AP3S1: variants seen among roughly 807,000 people sequenced by gnomAD.
AP3S1 encodes adaptor related protein complex 3 subunit sigma 1.
In AP3S1, 12 loss-of-function variants were observed where a neutral mutation model predicts 21.3. That is an observed-to-expected ratio of 0.56 (90% CI 0.36 to 0.91). AP3S1 has a LOEUF of 0.91. Among genes scored for constraint, AP3S1 ranks in the 40% least tolerant of loss-of-function variants. AP3S1 has a pLI of 0.01. For missense variants in AP3S1, 116 were observed against 225.0 expected (o/e 0.52, Z 3.10); for synonymous variants, 48 against 78.4 (o/e 0.61, Z 2.05).
At chr5:115,887,890 A>G (rs1203000068) in intron 3 of AP3S1, among the ~76,000 whole-genome samples, 1 of 152,178 alleles carries the variant, frequency 6.6e-6, no homozygotes, top group Non-Finnish European at 1.5e-5. Context: ...GTAAAGATAA[A>G]GAAAACACAA....
rs151244874 is a variant in AP3S1 at position 115,869,892 on chromosome 5, A to G, written c.162-125A>G. 3,502 of 559,738 alleles carry G rather than the reference A, an allele frequency of 6.3e-3. 21 individuals are homozygous for G. Among genetic ancestry groups the G allele is most frequent in the Middle Eastern group, 0.011 (22 of 2,066 alleles). 34.7% of individuals were successfully genotyped at this position (559,738 alleles called of 1,614,324 possible). A position where few individuals can be genotyped will look rare whatever the true frequency, so the allele number is the denominator to read the frequency against. On this transcript the variant is annotated intron_variant, in intron 2 of 5. Transcript: ENST00000316788. ...AGTCTCTGAATAAGTTCACTTAAAT[A>G]CTTTGCCATTGAATGTCACCTTTCA...
At chr5:115,842,351 G>A in intron 1 of AP3S1, 1 of 473,444 alleles carries the variant, frequency 2.1e-6, no homozygotes, top group Non-Finnish European at 3.6e-6. Context: ...TGGGCTGCAT[G>A]CTTTCCTGGC....
intron 3 of AP3S1, among the ~76,000 whole-genome samples, chr5:115,887,479 A>G (rs563158402): frequency 6.6e-6 from 1 of 152,138 alleles, no homozygotes; most frequent in East Asian, 1.9e-4. Flanking sequence ...AGAAACTCAA[A>G]AAGGGGTCTG....
chr5:115,861,860 C>CTTTT lies in AP3S1; in HGVS notation c.70-4809_70-4806dup, dbSNP rs1485174401. Among the ~76,000 whole-genome samples, 345 of 119,978 alleles carry CTTTT rather than the reference C, an allele frequency of 2.9e-3. 5 individuals are homozygous for CTTTT. Among genetic ancestry groups the CTTTT allele is most frequent in the Middle Eastern group, 5.1e-3 (1 of 196 alleles). The allele number at this position is 119,978 out of a possible 152,430, so 78.7% of individuals were successfully genotyped here. On this transcript the variant is annotated intron_variant, in intron 1 of 5. Coordinates refer to ENST00000316788, the MANE Select transcript of AP3S1 (RefSeq NM_001284.4). ...CTGAACCAGGCCAAAATTTTCTTTT[C>CTTTT]TTTTCTTTTTTTTTTTTTTTTTTTG...
At chr5:115,889,749 A>G (rs1035545154) in intron 3 of AP3S1, among the ~76,000 whole-genome samples, 1 of 152,070 alleles carries the variant, frequency 6.6e-6, no homozygotes, top group Non-Finnish European at 1.5e-5. Flanking sequence ...TCTGAGGTGG[A>G]AGGATTGCTT....
intron 1 of AP3S1, among the ~76,000 whole-genome samples, chr5:115,855,177 C>T (rs565137622): frequency 1.3e-5 from 2 of 152,136 alleles, no homozygotes; most frequent in South Asian, 4.2e-4. Context: ...GCTGGGACTA[C>T]AGGCATACAC....
At chr5:115,898,786 T>C (rs1019699732) in intron 4 of AP3S1, 1 of 152,248 alleles carries the variant, frequency 6.6e-6, no homozygotes, top group Non-Finnish European at 1.5e-5. Context: ...CACATACAGC[T>C]AAGGTATGCT....
At chr5:115,864,802 G>C (rs1159169422) in intron 1 of AP3S1, among the ~76,000 whole-genome samples, 5 of 152,194 alleles carry the variant, frequency 3.3e-5, no homozygotes, top group Non-Finnish European at 5.9e-5. Context: ...TTTTGATGGA[G>C]ATGAGTGCTT....
intron 1 of AP3S1, among the ~76,000 whole-genome samples, chr5:115,860,418 C>T (rs138899965): frequency 6.6e-6 from 1 of 152,180 alleles, no homozygotes; most frequent in African/African-American, 2.4e-5. Flanking sequence ...CACAGTACCC[C>T]TTGCTCTCCG....
At chr5:115,873,872 A>G (rs1748485174) in intron 3 of AP3S1, among the ~76,000 whole-genome samples, 3 of 152,148 alleles carry the variant, frequency 2.0e-5, no homozygotes, top group South Asian at 2.1e-4. Context: ...AGAAAACTCA[A>G]TATGTAACTA....
At chr5:115,842,351 G>T (rs1388861885) in intron 1 of AP3S1, 2 of 473,334 alleles carry the variant, frequency 4.2e-6, no homozygotes, top group East Asian at 8.4e-5. Flanking sequence ...TGGGCTGCAT[G>T]CTTTCCTGGC....
intron 5 of AP3S1, among the ~76,000 whole-genome samples, chr5:115,906,165 AAC>A (rs2112581993): frequency 6.6e-6 from 1 of 152,362 alleles, no homozygotes; most frequent in African/African-American, 2.4e-5. Flanking sequence ...CTCAAAAACA[AAC>A]ACACAAAAAA....
chr5:115,894,377 A>G (rs1487606655), intron 3 of AP3S1, among the ~76,000 whole-genome samples: 3 of 152,218 alleles, frequency 2.0e-5, no homozygotes, highest in African/African-American at 7.2e-5. Context: ...CATTATTAAC[A>G]TGAAGTACCT....
chr5:115,883,667 C>G (rs1288886129), intron 3 of AP3S1, among the ~76,000 whole-genome samples: 9 of 152,214 alleles, frequency 5.9e-5, no homozygotes, highest in Non-Finnish European at 1.5e-5. Flanking sequence ...TGCCATCCAC[C>G]TCCTTTGTAA....
chr5:115,850,947 T>G (rs1762397548), intron 1 of AP3S1, among the ~76,000 whole-genome samples: 1 of 152,216 alleles, frequency 6.6e-6, no homozygotes, highest in Admixed American at 6.5e-5. Context: ...TCAGGAATTC[T>G]CACTAGTTTA....
intron 1 of AP3S1, among the ~76,000 whole-genome samples, chr5:115,856,798 A>G (rs949326521): frequency 6.6e-6 from 1 of 152,104 alleles, no homozygotes; most frequent in East Asian, 1.9e-4. Flanking sequence ...TCACCAACTT[A>G]TTATTTCTTT....
chr5:115,912,805 C>G (rs1245682403), intron 5 of AP3S1, among the ~76,000 whole-genome samples: 1 of 151,752 alleles, frequency 6.6e-6, no homozygotes, highest in Non-Finnish European at 1.5e-5. Context: ...TTTTAATGTT[C>G]TAGAACTTTA....
chr5:115,872,213 G>A (rs1055620642), intron 3 of AP3S1, among the ~76,000 whole-genome samples: 1 of 152,040 alleles, frequency 6.6e-6, no homozygotes, highest in African/African-American at 2.4e-5. Context: ...GAGCCAGGGA[G>A]GATGGCTTGT....
chr5:115,902,988 C>A lies in AP3S1; in HGVS notation c.449C>A (p.Ser150Tyr). 6.2e-7 allele frequency: 1 copy of A among 1,609,720 alleles called. No homozygotes were observed. Among genetic ancestry groups the A allele is most frequent in the South Asian group, 1.1e-5 (1 of 90,870 alleles). Residue 150 changes from serine to tyrosine, a missense_variant, in exon 5 of 6, where the codon TCT becomes TAT. Ser to Tyr is a moderately radical substitution (Grantham distance 144, BLOSUM62 -2). Transcript: ENST00000316788. ...QIDAQNKLEK[S>Y]EAGLAGAPAR... is the part of the protein sequence containing the mutation. ...GATGCACAAAATAAGCTGGAAAAAT[C>A]TGAGGTAAGAATGGAAAATGCTGTA...
Sources: allele counts gnomAD v4.1 joint callset (sites outside exome capture counted in the v4.1 genomes callset), GRCh38; gene constraint gnomAD v4.1.1; transcripts MANE v1.5; gene names NCBI Gene and HGNC (gene_info 2026-07-23, HGNC 2026-07-21).